Variants in RAB27B observed in about 807,000 individuals in gnomAD.
RAB27B encodes the protein RAB27B, member RAS oncogene family.
RAB27B carries 15 observed loss-of-function variants against 24.6 expected under a neutral mutation model. The observed-to-expected ratio is 0.61, with a 90% CI of 0.41 to 0.94. The LOEUF is 0.94. RAB27B is among the 40% of genes least tolerant of loss of function. RAB27B has a pLI of 0.00. For synonymous variants in RAB27B, 105 were observed against 92.5 expected (o/e 1.14, Z -0.78); for missense variants, 261 against 266.8 (o/e 0.98, Z 0.15).
At chr18:54,884,267 T>G in intron 3 of RAB27B, 66 bp from the exon 4 acceptor site, 1 of 969,250 alleles carries the variant, frequency 1.0e-6, no homozygotes, top group Non-Finnish European at 1.6e-6. Context: ...GGGAAACTGT[T>G]ATTTGTGTTG....
At chr18:54,783,505 G>A (rs186306149) in intron 2 of RAB27B, among the ~76,000 whole-genome samples, 30 of 151,766 alleles carry the variant, frequency 2.0e-4, no homozygotes, top group African/African-American at 6.0e-4. Flanking sequence ...GTGTGTGTGT[G>A]TGTATGTATA....
chr18:54,771,556 A>G (rs1908549219), intron 2 of RAB27B, among the ~76,000 whole-genome samples: 1 of 151,850 alleles, frequency 6.6e-6, no homozygotes, highest in Non-Finnish European at 1.5e-5. Flanking sequence ...AGTTGGAAGT[A>G]CAAAATGGTA....
chr18:54,853,569 G>T (rs1253859252), intron 1 of RAB27B, among the ~76,000 whole-genome samples: 1 of 152,158 alleles, frequency 6.6e-6, no homozygotes, highest in African/African-American at 2.4e-5. Context: ...TCTAAGTACT[G>T]TGAAAGGAGA....
chr18:54,863,940 T>G (rs1438522303), intron 1 of RAB27B, among the ~76,000 whole-genome samples: 2 of 152,242 alleles, frequency 1.3e-5, no homozygotes, highest in Non-Finnish European at 2.9e-5. Flanking sequence ...TGTTTATAAT[T>G]TGGGGCTATT....
chr18:54,792,090 A>G, intron 2 of RAB27B, among the ~76,000 whole-genome samples: 1 of 152,166 alleles, frequency 6.6e-6, no homozygotes, highest in Non-Finnish European at 1.5e-5. Flanking sequence ...GACAAGGTAG[A>G]GGGTCTAATT....
At chr18:54,735,276 C>T (rs918789048) in intron 2 of RAB27B, among the ~76,000 whole-genome samples, 28 of 152,240 alleles carry the variant, frequency 1.8e-4, no homozygotes, top group Admixed American at 8.5e-4. Context: ...GCTATTGAAA[C>T]GTGGCTACTT....
chr18:54,791,131 A>G (rs944308439), intron 2 of RAB27B, among the ~76,000 whole-genome samples: 4 of 152,190 alleles, frequency 2.6e-5, no homozygotes, highest in African/African-American at 9.7e-5. Context: ...AGCATCCAAT[A>G]TTTGTTTTCC....
Position 54,884,316 on chromosome 18 carries a change from CTG to C in RAB27B, c.240-13_240-12del. 1 of 1,519,014 alleles carries C rather than the reference CTG, an allele frequency of 6.6e-7. No individual in the cohort carries two copies. The highest frequency in any genetic ancestry group is 1.7e-4 in the Middle Eastern group (1 of 5,882). 94.1% of individuals were successfully genotyped at this position (1,519,014 alleles called of 1,614,324 possible). A position where few individuals can be genotyped will look rare whatever the true frequency, so the allele number is the denominator to read the frequency against. On this transcript the variant is annotated splice_polypyrimidine_tract_variant and intron_variant, in intron 3 of 5. Transcript: ENST00000262094. Reference sequence around the variant, plus strand: ...GTGGACTAACTTTCAGAACTACCCACTGTGTTTCCTTGGCAGGTTCCGGAGTC... The same window carrying C: ...GTGGACTAACTTTCAGAACTACCCACTGTTTCCTTGGCAGGTTCCGGAGTC...
chr18:54,791,779 A>G (rs572229620), intron 2 of RAB27B, among the ~76,000 whole-genome samples: 1 of 152,322 alleles, frequency 6.6e-6, no homozygotes, highest in Admixed American at 6.5e-5. Context: ...CAAAGACACA[A>G]GCAGCTGGAC....
intron 1 of RAB27B, among the ~76,000 whole-genome samples, chr18:54,833,524 G>A (rs929999959): frequency 3.3e-5 from 5 of 152,116 alleles, no homozygotes; most frequent in South Asian, 2.1e-4. Flanking sequence ...ACTGCACCCG[G>A]CCATGAATCC....
intron 2 of RAB27B, among the ~76,000 whole-genome samples, chr18:54,752,047 A>G (rs1225028604): frequency 6.6e-6 from 1 of 152,186 alleles, no homozygotes; most frequent in Non-Finnish European, 1.5e-5. Context: ...TTCCCGTCAC[A>G]GAAGTTATTA....
intron 2 of RAB27B, chr18:54,745,151 A>C (rs777278193): frequency 5.5e-5 from 9 of 163,476 alleles, no homozygotes; most frequent in Admixed American, 1.9e-4. Flanking sequence ...GGCATCTTAC[A>C]CTAACCTGCC....
intron 2 of RAB27B, among the ~76,000 whole-genome samples, chr18:54,755,980 T>C (rs903755917): frequency 5.9e-5 from 9 of 152,218 alleles, no homozygotes; most frequent in Non-Finnish European, 1.0e-4. Flanking sequence ...AACCTATTAA[T>C]AGTAACTGTT....
chr18:54,764,419 G>A (rs1908294394), intron 2 of RAB27B, among the ~76,000 whole-genome samples: 1 of 152,134 alleles, frequency 6.6e-6, no homozygotes, highest in Non-Finnish European at 1.5e-5. Context: ...TCCATGTTGA[G>A]TGTGTGTATT....
intron 1 of RAB27B, among the ~76,000 whole-genome samples, chr18:54,867,423 C>CTTTCT (rs199804927): frequency 0.015 from 1,834 of 124,546 alleles, 99 homozygotes; most frequent in Middle Eastern, 0.035. Flanking sequence ...AAGCCTGATG[C>CTTTCT]TTTCTTTTCT....
At chr18:54,797,951 G>A (rs192237746) in intron 2 of RAB27B, among the ~76,000 whole-genome samples, 13 of 152,244 alleles carry the variant, frequency 8.5e-5, no homozygotes, top group South Asian at 2.1e-4. Flanking sequence ...TATTCTTTAA[G>A]TATTAGTGTC....
chr18:54,744,435 G>C (rs1437736194), intron 2 of RAB27B, among the ~76,000 whole-genome samples: 1 of 152,162 alleles, frequency 6.6e-6, no homozygotes, highest in Non-Finnish European at 1.5e-5. Context: ...CCAACAGCTT[G>C]TTTCTTTTTG....
chr18:54,843,910 G>T (rs1911216727), intron 1 of RAB27B, among the ~76,000 whole-genome samples: 1 of 152,116 alleles, frequency 6.6e-6, no homozygotes, highest in East Asian at 1.9e-4. Context: ...CTGTAGGTTG[G>T]TTACCCATCC....
chr18:54,785,981 G>T (rs1909071764), intron 2 of RAB27B, among the ~76,000 whole-genome samples: 1 of 152,180 alleles, frequency 6.6e-6, no homozygotes, highest in Non-Finnish European at 1.5e-5. Context: ...ATGTTAGTCT[G>T]ACTGATACTT....
Sources: gnomAD v4.1 joint callset for allele counts (sites outside exome capture counted in the v4.1 genomes callset) on GRCh38, gnomAD v4.1.1 for gene constraint, MANE v1.5 for transcripts, NCBI Gene and HGNC (gene_info 2026-07-23, HGNC 2026-07-21) for gene names.